BRIP1: variants seen among roughly 807,000 people sequenced by gnomAD.
BRIP1 encodes Fanconi anemia group J protein.
Under a neutral mutation model 119.7 loss-of-function variants are expected in BRIP1, and 88 were observed. The observed-to-expected ratio is 0.74, with a 90% CI of 0.62 to 0.88. The LOEUF is 0.88. BRIP1 is among the 40% of genes least tolerant of loss of function. The pLI, the probability that BRIP1 is intolerant of heterozygous loss-of-function variation, is 0.00. For synonymous variants in BRIP1, 443 were observed against 496.5 expected (o/e 0.89, Z 1.43); for missense variants, 1,259 against 1,455.4 (o/e 0.87, Z 2.20).
intron 16 of BRIP1, among the ~76,000 whole-genome samples, chr17:61,741,431 T>C (rs911290965): frequency 3.3e-5 from 5 of 152,204 alleles, no homozygotes; most frequent in Non-Finnish European, 5.9e-5. Context: ...GTGAATCCTT[T>C]CCAGAAGGTT....
Sources: gnomAD v4.1 joint callset for allele counts (sites outside exome capture counted in the v4.1 genomes callset) on GRCh38, gnomAD v4.1.1 for gene constraint, MANE v1.5 for transcripts, NCBI Gene and HGNC (gene_info 2026-07-23, HGNC 2026-07-21) for gene names.